STRN3: variants seen among roughly 807,000 people sequenced by gnomAD.
STRN3 encodes striatin 3.
In STRN3, 29 loss-of-function variants were observed where a neutral mutation model predicts 95.6. The ratio of observed to expected loss-of-function variants is 0.30; its 90% CI spans 0.23 to 0.41. The LOEUF is 0.41. STRN3 is among the 10% of genes least tolerant of loss of function. The probability of loss-of-function intolerance (pLI) is 1.00; values close to 1 mark genes in which losing one functional copy is unlikely to be tolerated. For synonymous variants in STRN3, 331 were observed against 357.6 expected, an observed-to-expected ratio of 0.93 and a Z score of 0.84; for missense variants, 890 against 972.1, an observed-to-expected ratio of 0.92 and a Z score of 1.12.
rs59721419 is a variant in STRN3, at chr14:31,025,537, G to A, written c.282+367C>T. The A allele has an allele frequency of 5.3e-3, 1,494 of 279,440 alleles. 22 individuals carry two copies. The highest frequency in any genetic ancestry group is 0.031 in the African/African-American group (1,368 of 44,188). 17.3% of individuals were successfully genotyped at this position (279,440 alleles called of 1,614,324 possible). A position where few individuals can be genotyped will look rare whatever the true frequency, so the allele number is the denominator to read the frequency against. ...TTCATCTCAAGAGGAACAAACAAGAGCAAACTCAGTGTTGAGAGGCCCCAA... is the reference window on the plus strand; with the variant it reads ...TTCATCTCAAGAGGAACAAACAAGAACAAACTCAGTGTTGAGAGGCCCCAA... On this transcript the variant is annotated intron_variant, in intron 1 of 17. Coordinates refer to ENST00000357479, the MANE Select transcript of STRN3 (RefSeq NM_001083893.2).
chr14:30,931,754 G>C (rs1878547255), intron 7 of STRN3, among the ~76,000 whole-genome samples: 1 of 152,186 alleles, frequency 6.6e-6, no homozygotes, highest in Non-Finnish European at 1.5e-5. Context: ...ATTAAACTCA[G>C]ACTATCTAAC....
intron 1 of STRN3, among the ~76,000 whole-genome samples, chr14:30,982,761 T>C (rs1429170463): frequency 6.6e-6 from 1 of 152,212 alleles, no homozygotes; most frequent in Non-Finnish European, 1.5e-5. Context: ...AATGGTACTT[T>C]ATTTTTTTAC....
At chr14:30,927,592 A>T (rs1048174137) in intron 8 of STRN3, among the ~76,000 whole-genome samples, 8 of 151,722 alleles carry the variant, frequency 5.3e-5, no homozygotes, top group Non-Finnish European at 2.9e-5. Context: ...TAAGCAATCC[A>T]CTAGTAAAAT....
chr14:30,982,318 T>C (rs1488836198), intron 1 of STRN3, among the ~76,000 whole-genome samples: 3 of 152,134 alleles, frequency 2.0e-5, no homozygotes, highest in Non-Finnish European at 2.9e-5. Context: ...TCAATTTTTA[T>C]TTATTTTTAG....
At chr14:30,909,880 T>A (rs553560048) in intron 13 of STRN3, among the ~76,000 whole-genome samples, 1 of 152,324 alleles carries the variant, frequency 6.6e-6, no homozygotes, top group Admixed American at 6.5e-5. Flanking sequence ...TCACTTTATC[T>A]ACTCAACATA....
chr14:30,915,247 G>A lies in STRN3; in HGVS notation c.1241-1590C>T, dbSNP rs572352833. Among the ~76,000 whole-genome samples the A allele has an allele frequency of 1.4e-4, 22 of 152,162 alleles. No homozygotes were observed. The South Asian group carries it at 3.5e-3, about 24-fold the overall frequency. On this transcript the variant is annotated intron_variant, in intron 9 of 17. Coordinates refer to ENST00000357479, the MANE Select transcript of STRN3 (RefSeq NM_001083893.2). ...CTTGACAGTCATCACTAAACTACTG[G>A]AAATAATTCTGAGAAGACACAATTC...
chr14:31,019,983 A>C (rs970260490), intron 1 of STRN3, among the ~76,000 whole-genome samples: 61 of 150,602 alleles, frequency 4.1e-4, no homozygotes, highest in African/African-American at 1.4e-3. Context: ...TCAACCTCCC[A>C]AAGCGCTGGG....
chr14:30,987,929 G>A (rs1210479102), intron 1 of STRN3, among the ~76,000 whole-genome samples: 1 of 151,966 alleles, frequency 6.6e-6, no homozygotes, highest in Non-Finnish European at 1.5e-5. Context: ...GTAGAGACGG[G>A]GTTTCACCAT....
chr14:30,962,194 A>G (rs2139165037), intron 1 of STRN3, among the ~76,000 whole-genome samples: 1 of 152,326 alleles, frequency 6.6e-6, no homozygotes, highest in African/African-American at 2.4e-5. Flanking sequence ...AAATAAATCA[A>G]AATTTTAAAA....
intron 7 of STRN3, among the ~76,000 whole-genome samples, chr14:30,931,198 T>C (rs1878518825): frequency 6.6e-6 from 1 of 152,184 alleles, no homozygotes; most frequent in Non-Finnish European, 1.5e-5. Context: ...GGTTGGTGAA[T>C]GCATATGTGC....
intron 8 of STRN3, among the ~76,000 whole-genome samples, chr14:30,922,866 G>A (rs957019618): frequency 8.7e-6 from 1 of 115,312 alleles, no homozygotes. Flanking sequence ...ACTGATTAGA[G>A]TATCAATCTG....
At chr14:30,929,898 AC>A (rs1409737537) in intron 7 of STRN3, among the ~76,000 whole-genome samples, 2 of 140,666 alleles carry the variant, frequency 1.4e-5, no homozygotes, top group Admixed American at 1.6e-4. Flanking sequence ...TGCCCCACCC[AC>A]CCAAATAGTT....
intron 1 of STRN3, chr14:30,964,355 CA>C (rs1880370025): frequency 6.6e-6 from 1 of 152,298 alleles, no homozygotes; most frequent in South Asian, 2.1e-4. Context: ...CCATACCAAC[CA>C]ACACAGATGT....
chr14:30,952,637 T>C (rs1296174460), intron 3 of STRN3, among the ~76,000 whole-genome samples: 2 of 151,996 alleles, frequency 1.3e-5, no homozygotes, highest in East Asian at 1.9e-4. Context: ...GAGACAGAGA[T>C]TGCATTGAGC....
intron 1 of STRN3, among the ~76,000 whole-genome samples, chr14:31,024,465 G>C (rs1289705758): frequency 6.6e-6 from 1 of 152,140 alleles, no homozygotes; most frequent in Non-Finnish European, 1.5e-5. Context: ...CTTTTTTAAA[G>C]TTATGTAATT....
chr14:30,952,136 G>T (rs1351276640), intron 3 of STRN3, among the ~76,000 whole-genome samples: 1 of 148,038 alleles, frequency 6.8e-6, no homozygotes, highest in Non-Finnish European at 1.5e-5. Context: ...AAAAAAAAGA[G>T]TTTAATAAAC....
chr14:30,986,750 T>G (rs1881711372), intron 1 of STRN3, among the ~76,000 whole-genome samples: 2 of 152,220 alleles, frequency 1.3e-5, no homozygotes, highest in South Asian at 4.1e-4. Flanking sequence ...ACAATTCATT[T>G]TGGCTCACAC....
chr14:30,907,598 C>CTT lies in STRN3; in HGVS notation c.1721-556_1721-555dup, dbSNP rs59483991. Reference sequence around the variant, plus strand: ...TGGGTTCTTTCACTGAGTATGTTTTCTTTTTTTCTTTTTGAAATAGGGTCT... The same window carrying CTT: ...TGGGTTCTTTCACTGAGTATGTTTTCTTTTTTTTTCTTTTTGAAATAGGGTCT... On this transcript the variant is annotated intron_variant, in intron 13 of 17. Transcript: ENST00000357479. 2.6e-5 allele frequency among the ~76,000 whole-genome samples: 4 copies of CTT among 151,916 alleles called. No homozygotes were observed. The East Asian group carries it at 7.8e-4, about 29-fold the overall frequency.
In STRN3 at chr14:30,938,432, G is replaced by A. The variant is rs745835005; in HGVS notation, c.717-1808C>T. Among the ~76,000 whole-genome samples, 23 of 152,206 alleles carry A rather than the reference G, an allele frequency of 1.5e-4. No individual in the cohort carries two copies. The East Asian group carries it at 2.3e-3, about 15-fold the overall frequency. ...ATATCAATGATACAATAATTTAAAA[G>A]AATTTTTTTTAAAGATATATTTGTT... On this transcript the variant is annotated intron_variant, in intron 5 of 17. Transcript: ENST00000357479.
Sources: allele counts gnomAD v4.1 joint callset (sites outside exome capture counted in the v4.1 genomes callset), GRCh38; gene constraint gnomAD v4.1.1; transcripts MANE v1.5; gene names NCBI Gene and HGNC (gene_info 2026-07-23, HGNC 2026-07-21).